Variants in VRK2 observed in about 807,000 individuals in gnomAD.
The protein encoded by VRK2 is serine/threonine-protein kinase VRK2.
A neutral mutation model predicts 57.6 loss-of-function variants in VRK2; 60 were observed. The observed-to-expected ratio is 1.04, with a 90% CI of 0.85 to 1.29. VRK2 has a LOEUF of 1.29. Among genes scored for constraint, VRK2 ranks in the 50% most tolerant of loss-of-function variants. The pLI is 0.00. For synonymous variants in VRK2, 231 were observed against 199.2 expected (o/e 1.16, Z -1.35); for missense variants, 705 against 588.1 (o/e 1.20, Z -2.06).
intron 1 of VRK2, among the ~76,000 whole-genome samples, chr2:57,975,664 G>C (rs909396444): frequency 1.3e-5 from 2 of 151,668 alleles, no homozygotes; most frequent in Non-Finnish European, 2.9e-5. Flanking sequence ...TCCTTTCGGA[G>C]TCCCTACCAC....
chr2:58,013,111 A>C (rs1314395052), intron 1 of VRK2, among the ~76,000 whole-genome samples: 1 of 152,202 alleles, frequency 6.6e-6, no homozygotes, highest in Non-Finnish European at 1.5e-5. Flanking sequence ...TAGGTGAATA[A>C]AAAAATCAAG....
chr2:58,057,777 C>T (rs1302848165), intron 2 of VRK2, among the ~76,000 whole-genome samples: 1 of 151,930 alleles, frequency 6.6e-6, no homozygotes. Flanking sequence ...GGTTTCTGGG[C>T]AGGGGTATTT....
chr2:57,959,974 C>T (rs915352676), intron 1 of VRK2, among the ~76,000 whole-genome samples: 9 of 148,126 alleles, frequency 6.1e-5, no homozygotes, highest in Non-Finnish European at 1.2e-4. Flanking sequence ...TCATCCGAGC[C>T]CTGGGGTGAG....
At chr2:58,024,663 G>T (rs1021334255) in intron 1 of VRK2, among the ~76,000 whole-genome samples, 3 of 152,128 alleles carry the variant, frequency 2.0e-5, no homozygotes, top group Admixed American at 6.6e-5. Context: ...GATCCATTTA[G>T]AGCAAATCTG....
intron 1 of VRK2, among the ~76,000 whole-genome samples, chr2:58,014,506 T>G (rs1044908337): frequency 6.6e-6 from 1 of 152,226 alleles, no homozygotes; most frequent in African/African-American, 2.4e-5. Flanking sequence ...AAACCAGGTA[T>G]AGCCTTTACC....
intron 1 of VRK2, among the ~76,000 whole-genome samples, chr2:57,976,973 G>A (rs748540731): frequency 6.6e-6 from 1 of 152,048 alleles, no homozygotes; most frequent in Non-Finnish European, 1.5e-5. Context: ...TTATTGAATA[G>A]AGAGAGAGTC....
chr2:58,108,995 A>G (rs1456413806), intron 7 of VRK2, among the ~76,000 whole-genome samples: 4 of 152,216 alleles, frequency 2.6e-5, no homozygotes, highest in Non-Finnish European at 5.9e-5. Flanking sequence ...ACTTATGTAA[A>G]GTACTTAATG....
At chr2:57,955,579 T>A (rs1467330522) in intron 1 of VRK2, among the ~76,000 whole-genome samples, 4 of 152,122 alleles carry the variant, frequency 2.6e-5, no homozygotes, top group African/African-American at 9.7e-5. Flanking sequence ...ATAAAACCGT[T>A]AATTTTCCCA....
intron 2 of VRK2, among the ~76,000 whole-genome samples, chr2:58,054,058 A>G (rs1676153003): frequency 1.3e-5 from 2 of 152,060 alleles, no homozygotes; most frequent in East Asian, 3.8e-4. Flanking sequence ...ATGTATTTTA[A>G]TTTTGTTTAT....
At chr2:57,990,226 T>C (rs930135661) in intron 1 of VRK2, among the ~76,000 whole-genome samples, 1 of 152,186 alleles carries the variant, frequency 6.6e-6, no homozygotes, top group African/African-American at 2.4e-5. Context: ...GGAAATCAAT[T>C]CATACTAATT....
chr2:58,062,026 G>A (rs575750465), intron 2 of VRK2, among the ~76,000 whole-genome samples: 9 of 152,178 alleles, frequency 5.9e-5, no homozygotes, highest in African/African-American at 1.7e-4. Context: ...ACTGAAGGTT[G>A]TGGCAACCCT....
rs114587650 is a variant in VRK2 at position 58,061,952 on chromosome 2, A to G, written c.136+12985A>G. ...TTTCTGCTTTATCTGTTGCATATTC[A>G]GGCTTACCTTGTCTTATTGCACATC... is the stretch of plus-strand genomic sequence containing the variant. On this transcript the variant is annotated intron_variant, in intron 2 of 12. Transcript: ENST00000340157. Among the ~76,000 whole-genome samples, 662 of 152,134 alleles carry G rather than the reference A, an allele frequency of 4.4e-3. 8 individuals carry two copies. The highest frequency in any genetic ancestry group is 0.015 in the African/African-American group (631 of 41,542).
At chr2:58,107,249 C>CATAT (rs139141686) in intron 7 of VRK2, among the ~76,000 whole-genome samples, 1 of 152,066 alleles carries the variant, frequency 6.6e-6, no homozygotes, top group African/African-American at 2.4e-5. Flanking sequence ...TTGCTGAATA[C>CATAT]ATATATATAC....
upstream of VRK2, among the ~76,000 whole-genome samples, chr2:58,043,716 T>G (rs577316747): frequency 1.3e-4 from 20 of 152,316 alleles, no homozygotes; most frequent in Non-Finnish European, 7.3e-5. Context: ...CAAGTCTTTG[T>G]GTGGATACAG....
chr2:58,136,465 A>T (rs1238369033), intron 10 of VRK2, among the ~76,000 whole-genome samples: 3 of 150,584 alleles, frequency 2.0e-5, no homozygotes, highest in Non-Finnish European at 4.4e-5. Context: ...GCTCAGTGCA[A>T]CCTCCCCTTC....
intron 1 of VRK2, among the ~76,000 whole-genome samples, chr2:57,961,619 A>ACCC (rs1172019075): frequency 1.3e-3 from 52 of 41,224 alleles, no homozygotes; most frequent in African/African-American, 6.0e-3. Context: ...CTCCCACTGT[A>ACCC]CCCACCCCCC....
intron 7 of VRK2, among the ~76,000 whole-genome samples, chr2:58,107,066 T>G (rs949446110): frequency 5.9e-5 from 9 of 152,026 alleles, no homozygotes; most frequent in African/African-American, 1.9e-4. Flanking sequence ...GAGTGATTCT[T>G]GTGAACATAA....
At chr2:57,908,671 A>T (rs1401841429) in intron 1 of VRK2, among the ~76,000 whole-genome samples, 1 of 152,226 alleles carries the variant, frequency 6.6e-6, no homozygotes, top group Non-Finnish European at 1.5e-5. Flanking sequence ...TGTGTGTGAC[A>T]GGTTTTTAGT....
At chr2:58,071,011 A>T (rs1452264447) in intron 2 of VRK2, among the ~76,000 whole-genome samples, 1 of 152,164 alleles carries the variant, frequency 6.6e-6, no homozygotes, top group African/African-American at 2.4e-5. Context: ...CCATTCTAAT[A>T]GATGTGTAGT....
Sources: allele counts gnomAD v4.1 joint callset (sites outside exome capture counted in the v4.1 genomes callset), GRCh38; gene constraint gnomAD v4.1.1; transcripts MANE v1.5; gene names NCBI Gene and HGNC (gene_info 2026-07-23, HGNC 2026-07-21).